ANKRD26: variants seen among roughly 807,000 people sequenced by gnomAD.
ANKRD26 encodes ankyrin repeat domain-containing protein 26.
Under a neutral mutation model 208.7 loss-of-function variants are expected in ANKRD26, and 141 were observed. The observed-to-expected ratio is 0.68, with a 90% CI of 0.59 to 0.78. The LOEUF (loss-of-function observed/expected upper bound fraction) is 0.78. ANKRD26 is among the 30% of genes least tolerant of loss of function. The pLI is 0.00. For synonymous variants in ANKRD26, 636 were observed against 660.4 expected (o/e 0.96, Z 0.57); for missense variants, 1,889 against 1,938.7 (o/e 0.97, Z 0.48).
intron 4 of ANKRD26, chr10:26,995,260 A>C: frequency 2.2e-6 from 1 of 452,580 alleles, no homozygotes; most frequent in Non-Finnish European, 4.6e-6. Flanking sequence ...TTATGATGAG[A>C]GTTTAGAAGG....
At chr10:27,080,064 G>T (rs1248936436) in intron 6 of ANKRD26, 4 of 399,570 alleles carry the variant, frequency 1.0e-5, no homozygotes, top group South Asian at 6.9e-5. Context: ...GGTGGAGGCA[G>T]AAGAATTGTG....
At chr10:27,009,360 A>C (rs2053011137) in intron 32 of ANKRD26, among the ~76,000 whole-genome samples, 1 of 152,232 alleles carries the variant, frequency 6.6e-6, no homozygotes, top group African/African-American at 2.4e-5. Context: ...TTTTACCTAT[A>C]TTAAAAGTGA....
In ANKRD26 at chr10:27,066,538, G is replaced by A. The variant is rs758400299; in HGVS notation, c.1218C>T (p.Ser406=). Residue 406 remains serine, a synonymous_variant, in exon 11 of 34, where the codon TCC becomes TCT. Coordinates refer to ENST00000376087, the MANE Select transcript of ANKRD26 (RefSeq NM_014915.3). The part of the protein sequence containing the change: ...VHKNNRSDMM[S]ALGLGQEEDI... ...CTTCCTCTTGTCCTAATCCTAATGC[G>A]GACATCATATCTATCAAATGTGATA... 1.9e-5 allele frequency: 30 copies of A among 1,597,018 alleles called. No individual in the cohort carries two copies. Among genetic ancestry groups the A allele is most frequent in the East Asian group, 1.6e-4 (7 of 44,624 alleles).
intron 5 of ANKRD26, chr10:26,992,135 A>G (rs2134672101): frequency 6.6e-6 from 1 of 152,220 alleles, no homozygotes; most frequent in South Asian, 2.1e-4. Context: ...TAACTTTTTT[A>G]TCTTTGCAGC....
At chr10:27,092,996 T>C (rs1229384271) in intron 3 of ANKRD26, among the ~76,000 whole-genome samples, 1 of 151,994 alleles carries the variant, frequency 6.6e-6, no homozygotes, top group Non-Finnish European at 1.5e-5. Flanking sequence ...GGCAGGAGAA[T>C]TGCTTGAACC....
At position 27,005,246 on chromosome 10, in the gene ANKRD26, C is replaced by T. The variant is rs1240646263; in HGVS notation, c.*344G>A. The stretch of plus-strand genomic sequence containing the variant: ...CTGCACAACAAAATGATGTCTAAGT[C>T]CAATTAGACATCTACCACTACATAT... On this transcript the variant is annotated 3_prime_UTR_variant, in exon 34 of 34. Coordinates refer to ENST00000376087, the MANE Select transcript of ANKRD26 (RefSeq NM_014915.3). 4 of 1,013,630 alleles carry T rather than the reference C, an allele frequency of 3.9e-6. No individual in the cohort carries two copies. The highest frequency in any genetic ancestry group is 4.7e-6 in the Non-Finnish European group (4 of 847,098). The allele number at this position is 1,013,630 out of a possible 1,614,324, so 62.8% of individuals were successfully genotyped here.
chr10:26,980,598 T>C (rs982976268), exon 5 of ANKRD26, among the ~76,000 whole-genome samples: 4 of 152,244 alleles, frequency 2.6e-5, no homozygotes, highest in South Asian at 2.1e-4. Context: ...ATTCCCTATA[T>C]GGTGTGATCA....
chr10:26,994,922 C>T (rs927703953), intron 5 of ANKRD26: 7 of 373,304 alleles, frequency 1.9e-5, no homozygotes, highest in African/African-American at 1.5e-4. Context: ...AACTTGGCTA[C>T]TTCAGCTGAT....
At chr10:27,098,104 C>G (rs1254259999) in intron 1 of ANKRD26, among the ~76,000 whole-genome samples, 1 of 151,660 alleles carries the variant, frequency 6.6e-6, no homozygotes, top group South Asian at 2.1e-4. Flanking sequence ...TAAAAAGATA[C>G]CCTTTACTTT....
chr10:27,077,125 C>G (rs2055727421), intron 9 of ANKRD26: 1 of 575,090 alleles, frequency 1.7e-6, no homozygotes, highest in African/African-American at 1.9e-5. Flanking sequence ...CCGAATCCAA[C>G]AGCACATCAC....
chr10:26,956,196 A>C, the ANKRD26 span, among the ~76,000 whole-genome samples: 2 of 152,168 alleles, frequency 1.3e-5, no homozygotes, highest in Non-Finnish European at 2.9e-5. Flanking sequence ...TAGAACAATA[A>C]ATTCTAAATT....
At chr10:27,041,007 G>A (rs538555326) in intron 20 of ANKRD26, among the ~76,000 whole-genome samples, 1 of 151,320 alleles carries the variant, frequency 6.6e-6, no homozygotes, top group Non-Finnish European at 1.5e-5. Flanking sequence ...CTCCAGCCTG[G>A]GCAACAGAGC....
chr10:27,050,375 AG>A (rs1451170144), intron 16 of ANKRD26, among the ~76,000 whole-genome samples: 3 of 152,178 alleles, frequency 2.0e-5, no homozygotes, highest in Non-Finnish European at 4.4e-5. Flanking sequence ...TGCTACTGAT[AG>A]GGTATACATG....
the ANKRD26 span, among the ~76,000 whole-genome samples, chr10:26,953,158 G>A: frequency 6.6e-6 from 1 of 152,148 alleles, no homozygotes; most frequent in Non-Finnish European, 1.5e-5. Flanking sequence ...GACAGAGTGG[G>A]TCATGCCTGT....
rs1266058119 is a variant in ANKRD26 at position 27,078,983 on chromosome 10, T to C, written c.813+106A>G. 12 of 885,908 alleles carry C rather than the reference T, an allele frequency of 1.4e-5. 1 individual carries two copies. The Admixed American group carries it at 2.5e-4, about 18-fold the overall frequency. The allele number at this position is 885,908 out of a possible 1,614,324, so 54.9% of individuals were successfully genotyped here. ...TGGCTTCCCCTGACCACCTTTCCAT[T>C]ACAAACAGAAAACAATGATAAGTAG... On this transcript the variant is annotated intron_variant, in intron 7 of 33. Coordinates refer to ENST00000376087, the MANE Select transcript of ANKRD26 (RefSeq NM_014915.3).
intron 30 of ANKRD26, among the ~76,000 whole-genome samples, chr10:27,017,170 T>A (rs966531298): frequency 6.6e-6 from 1 of 152,218 alleles, no homozygotes; most frequent in Non-Finnish European, 1.5e-5. Flanking sequence ...TAATTAAAAA[T>A]TTTAAAAAGT....
At chr10:27,077,258 A>T in intron 9 of ANKRD26, 80 bp downstream of exon 9, 1 of 1,203,256 alleles carries the variant, frequency 8.3e-7, no homozygotes, top group South Asian at 1.2e-5. Flanking sequence ...CTGTATGATC[A>T]TCTCAATAGA....
the ANKRD26 span, among the ~76,000 whole-genome samples, chr10:26,955,709 T>G: frequency 6.6e-6 from 1 of 152,194 alleles, no homozygotes; most frequent in Non-Finnish European, 1.5e-5. Flanking sequence ...AAATAGTGAC[T>G]TGAGTTTCTT....
the ANKRD26 span, among the ~76,000 whole-genome samples, chr10:26,960,448 C>T: frequency 6.6e-6 from 1 of 152,186 alleles, no homozygotes; most frequent in African/African-American, 2.4e-5. Context: ...AGCATCTTGG[C>T]TCCTCCAGAC....
Sources: gnomAD v4.1 joint callset for allele counts (sites outside exome capture counted in the v4.1 genomes callset) on GRCh38, gnomAD v4.1.1 for gene constraint, MANE v1.5 for transcripts, NCBI Gene and HGNC (gene_info 2026-07-23, HGNC 2026-07-21) for gene names.